CLK2: variants seen among roughly 807,000 people sequenced by gnomAD.
CLK2 encodes the protein CDC like kinase 2.
In CLK2, 12 loss-of-function variants were observed where a neutral mutation model predicts 73.5. That is an observed-to-expected ratio of 0.16 (90% CI 0.10 to 0.26). The LOEUF (loss-of-function observed/expected upper bound fraction) is 0.26. Ranked by LOEUF, CLK2 falls within the 10% of genes least tolerant of loss-of-function variation. The probability of loss-of-function intolerance (pLI) is 1.00; values close to 1 mark genes in which losing one functional copy is unlikely to be tolerated. For missense variants in CLK2, 509 were observed against 688.4 expected (o/e 0.74, Z 2.92); for synonymous variants, 232 against 237.9 (o/e 0.98, Z 0.23).
At chr1:155,269,456 T>G in intron 3 of CLK2, 32 bp downstream of exon 3, 1 of 1,585,688 alleles carries the variant, frequency 6.3e-7, no homozygotes, top group Non-Finnish European at 8.6e-7. Context: ...TGCAGAAGAG[T>G]GGGGAGAGGA....
At chr1:155,266,235 TAACTC>T (rs1673228054) in intron 7 of CLK2, among the ~76,000 whole-genome samples, 1 of 152,242 alleles carries the variant, frequency 6.6e-6, no homozygotes, top group South Asian at 2.1e-4. Context: ...GGCATTATGT[TAACTC>T]AATTCTGTGA....
Position 155,268,965 on chromosome 1 carries a change from G to A in CLK2, c.400-170C>T. 1.6e-6 allele frequency: 1 copy of A among 626,598 alleles called. No homozygotes were observed. Among genetic ancestry groups the A allele is most frequent in the Non-Finnish European group, 2.9e-6 (1 of 348,048 alleles). The allele number at this position is 626,598 out of a possible 1,614,324, so 38.8% of individuals were successfully genotyped here. On this transcript the variant is annotated intron_variant, in intron 3 of 12. Coordinates refer to ENST00000368361, the MANE Select transcript of CLK2 (RefSeq NM_001294338.2). This position sits in a 1 kb window ranked among gnomAD's most constrained non-coding sequence, Gnocchi z 5.6. ...GTCAGATGCAGTAAGGTGGATCGGTGTGAGAAGAGAGAGCGGCGCATAATC... is the reference window on the plus strand; with the variant it reads ...GTCAGATGCAGTAAGGTGGATCGGTATGAGAAGAGAGAGCGGCGCATAATC...
intron 8 of CLK2, among the ~76,000 whole-genome samples, chr1:155,265,138 G>T (rs903498043): frequency 6.6e-6 from 1 of 152,154 alleles, no homozygotes; most frequent in African/African-American, 2.4e-5. Context: ...ATGTAGCAAA[G>T]GAGTTTCTCT....
rs141988996 is a variant in CLK2 at position 155,264,130 on chromosome 1, A to T, written c.1227-90T>A. On this transcript the variant is annotated intron_variant, in intron 11 of 12. Coordinates refer to ENST00000368361, the MANE Select transcript of CLK2 (RefSeq NM_001294338.2). The stretch of plus-strand genomic sequence containing the variant: ...ATCTGAAAGTAACTGGGGGGAGAGG[A>T]GGTATCAAAGAAAAAAGAAAATGAT... 5.9e-5 allele frequency: 91 copies of T among 1,553,460 alleles called. No homozygotes were observed. In the African/African-American group the frequency reaches 1.1e-3, roughly 19 times the overall value.
Position 155,268,980 on chromosome 1 carries a change from G to A in CLK2, c.400-185C>T, listed in dbSNP as rs1006859888. ...GTGGATCGGTGTGAGAAGAGAGAGC[G>A]GCGCATAATCCCAAGTCCCCAAACC... On this transcript the variant is annotated intron_variant, in intron 3 of 12. Transcript: ENST00000368361. The surrounding 1 kb of genome is among the most constrained non-coding windows in gnomAD (Gnocchi z 5.6). The A allele has an allele frequency of 1.6e-5, 10 of 618,194 alleles. No homozygotes were observed. Among genetic ancestry groups the A allele is most frequent in the Admixed American group, 2.6e-5 (1 of 38,240 alleles). The allele number at this position is 618,194 out of a possible 1,614,324, so 38.3% of individuals were successfully genotyped here. A position where few individuals can be genotyped will look rare whatever the true frequency, so the allele number is the denominator to read the frequency against.
At chr1:155,263,664 TA>T in intron 12 of CLK2, 1 of 985,068 alleles carries the variant, frequency 1.0e-6, no homozygotes, top group Non-Finnish European at 1.2e-6. Context: ...AGTTCCTCAT[TA>T]AAATGTAAGC....
Position 155,263,340 on chromosome 1 carries a change from G to A in CLK2, c.1378C>T (p.Leu460=). The A allele has an allele frequency of 6.2e-7, 1 of 1,614,190 alleles. No homozygotes were observed. The highest frequency in any genetic ancestry group is 1.3e-5 in the African/African-American group (1 of 75,060). ...HQLFDLIESM[L]EYEPAKRLTL... is the part of the protein sequence containing the mutation. Reference sequence around the variant, plus strand: ...AGCCGCTTAGCTGGTTCATACTCTAGCATGCTTTCAATCAGATCGAAGAGC... The same window carrying A: ...AGCCGCTTAGCTGGTTCATACTCTAACATGCTTTCAATCAGATCGAAGAGC... The change falls in exon 13 of 13, where the codon CTA becomes TTA. Residue 460 remains leucine (L), a synonymous_variant. Coordinates refer to ENST00000368361, the MANE Select transcript of CLK2 (RefSeq NM_001294338.2).
chr1:155,265,583 A>AAATG (rs1673190847), intron 8 of CLK2, among the ~76,000 whole-genome samples: 1 of 150,222 alleles, frequency 6.7e-6, no homozygotes, highest in African/African-American at 2.4e-5. Flanking sequence ...ATAAATAAAT[A>AAATG]AATAAATAAA....
Position 155,268,813 on chromosome 1 carries a change from G to A in CLK2, c.400-18C>T, listed in dbSNP as rs1348982376. ...CTGTGCTGCTGTCGGGGGGCAGGGG[G>A]GGTCGGAGCAAGCCAGGTGTCGGAG... On this transcript the variant is annotated intron_variant, in intron 3 of 12. Coordinates refer to ENST00000368361, the MANE Select transcript of CLK2 (RefSeq NM_001294338.2). This position sits in a 1 kb window ranked among gnomAD's most constrained non-coding sequence, Gnocchi z 5.6. 6.2e-7 allele frequency: 1 copy of A among 1,602,268 alleles called. No individual in the cohort carries two copies. The highest frequency in any genetic ancestry group is 8.5e-7 in the Non-Finnish European group (1 of 1,173,304).
chr1:155,268,912 G>C lies in CLK2; in HGVS notation c.400-117C>G. The C allele has an allele frequency of 1.5e-6, 1 of 684,892 alleles. No individual in the cohort carries two copies. Among genetic ancestry groups the C allele is most frequent in the South Asian group, 1.6e-5 (1 of 64,176 alleles). The allele number at this position is 684,892 out of a possible 1,614,324, so 42.4% of individuals were successfully genotyped here. On this transcript the variant is annotated intron_variant, in intron 3 of 12. Transcript: ENST00000368361. The surrounding 1 kb of genome is among the most constrained non-coding windows in gnomAD (Gnocchi z 5.6). ...AGGCGCCCAGCCAGGGGGGACAGACGATGATGGGGGACAGTGGAAGGGAAC... is the reference window on the plus strand; with the variant it reads ...AGGCGCCCAGCCAGGGGGGACAGACCATGATGGGGGACAGTGGAAGGGAAC...
Position 155,268,771 on chromosome 1 carries a change from T to C in CLK2, c.424A>G (p.Ser142Gly). 6.2e-7 allele frequency: 1 copy of C among 1,611,706 alleles called. No individual in the cohort carries two copies. The highest frequency in any genetic ancestry group is 2.2e-5 in the East Asian group (1 of 44,682). ...TGGCCCTCAGCGTCGTCCTCTACAC[T>C]CTTGGCTCTCCGGCTGCTGTGCTGC... is the stretch of plus-strand genomic sequence containing the variant. ...SSQHSSRRAK[S>G]VEDDAEGHLI... Residue 142 changes from serine to glycine, a missense_variant, in exon 4 of 13, where the codon AGT becomes GGT. Coordinates refer to ENST00000368361, the MANE Select transcript of CLK2 (RefSeq NM_001294338.2). The surrounding 1 kb of genome is among the most constrained non-coding windows in gnomAD (Gnocchi z 5.6).
chr1:155,268,235 C>T lies in CLK2; in HGVS notation c.554+58G>A. 1 of 1,570,890 alleles carries T rather than the reference C, an allele frequency of 6.4e-7. No individual in the cohort carries two copies. Among genetic ancestry groups the T allele is most frequent in the Non-Finnish European group, 8.8e-7 (1 of 1,140,984 alleles). ...ACCTCAGGTTAATTAGCAAAAAAGC[C>T]CCATATAACCCCAACCATCTCTTTA... On this transcript the variant is annotated intron_variant, in intron 5 of 12. Transcript: ENST00000368361. The surrounding 1 kb of genome is among the most constrained non-coding windows in gnomAD (Gnocchi z 5.6).
intron 6 of CLK2, 101 bp downstream of exon 6, chr1:155,267,906 GAGA>G: frequency 1.3e-6 from 1 of 756,438 alleles, no homozygotes; most frequent in Non-Finnish European, 2.3e-6. Flanking sequence ...ATGAATGGAT[GAGA>G]AGGTCTAGGA....
At chr1:155,270,142 G>A (rs1339556687) in intron 2 of CLK2, among the ~76,000 whole-genome samples, 4 of 151,962 alleles carry the variant, frequency 2.6e-5, no homozygotes, top group African/African-American at 9.7e-5. Flanking sequence ...CAAGGCAGGT[G>A]GAGCACTTGA....
At chr1:155,271,783 G>A (rs1673520965) in intron 1 of CLK2, among the ~76,000 whole-genome samples, 1 of 152,162 alleles carries the variant, frequency 6.6e-6, no homozygotes, top group Admixed American at 6.5e-5. Context: ...GACTATCAGT[G>A]TCCTGAGGGT....
chr1:155,268,909 G>C lies in CLK2; in HGVS notation c.400-114C>G, dbSNP rs1673358215. On this transcript the variant is annotated intron_variant, in intron 3 of 12. Transcript: ENST00000368361. This position sits in a 1 kb window ranked among gnomAD's most constrained non-coding sequence, Gnocchi z 5.6. ...CACAGGCGCCCAGCCAGGGGGGACA[G>C]ACGATGATGGGGGACAGTGGAAGGG... 1.4e-6 allele frequency: 1 copy of C among 690,018 alleles called. No individual in the cohort carries two copies. The highest frequency in any genetic ancestry group is 2.6e-6 in the Non-Finnish European group (1 of 380,296). The allele number at this position is 690,018 out of a possible 1,614,324, so 42.7% of individuals were successfully genotyped here. A position where few individuals can be genotyped will look rare whatever the true frequency, so the allele number is the denominator to read the frequency against.
At chr1:155,266,665 C>A (rs938913700) in intron 7 of CLK2, 64 bp downstream of exon 7, 1 of 1,555,532 alleles carries the variant, frequency 6.4e-7, no homozygotes, top group Non-Finnish European at 8.7e-7. Flanking sequence ...CAGTGCACAA[C>A]CGACAGAGAG....
chr1:155,266,955 A>T (rs1673260302), intron 6 of CLK2, 60 bp from the exon 7 acceptor site: 1 of 1,577,424 alleles, frequency 6.3e-7, no homozygotes, highest in African/African-American at 1.4e-5. Context: ...CCCATCAGCC[A>T]TCCAACAAGG....
At position 155,264,179 on chromosome 1, in the gene CLK2, G is replaced by T. The variant is rs1009406611; in HGVS notation, c.1226+42C>A. ...ATGTGAAATAGACCAATTCTGTGGA[G>T]AGAAAAGGAAAAGAGTTAACTAGTG... is the stretch of plus-strand genomic sequence containing the variant. On this transcript the variant is annotated intron_variant, in intron 11 of 12. Transcript: ENST00000368361. 4.4e-6 allele frequency: 7 copies of T among 1,605,178 alleles called. No individual in the cohort carries two copies. The African/African-American group carries it at 5.3e-5, about 12-fold the overall frequency.
Sources: gnomAD v4.1 joint callset for allele counts (sites outside exome capture counted in the v4.1 genomes callset) on GRCh38, gnomAD v4.1.1 for gene constraint, Gnocchi (gnomAD v3.1) non-coding constraint, MANE v1.5 for transcripts, NCBI Gene and HGNC (gene_info 2026-07-23, HGNC 2026-07-21) for gene names.